TMEM135: variants seen among roughly 807,000 people sequenced by gnomAD.
TMEM135 encodes the protein transmembrane protein 135.
Under a neutral mutation model 60.3 loss-of-function variants are expected in TMEM135, and 30 were observed. The ratio of observed to expected loss-of-function variants is 0.50; its 90% CI spans 0.37 to 0.68. TMEM135 has a LOEUF of 0.68. Among genes scored for constraint, TMEM135 ranks in the 30% least tolerant of loss-of-function variants. The pLI is 0.00. For synonymous variants in TMEM135, 190 were observed against 186.7 expected, an observed-to-expected ratio of 1.02 and a Z score of -0.14; for missense variants, 468 against 548.8, an observed-to-expected ratio of 0.85 and a Z score of 1.47.
rs112172892 is a variant in TMEM135, at chr11:87,313,348, A to G, written c.937-77A>G. ...GCAAGGTAATCTGATGAATTTATTC[A>G]TTATAGTTGTTTTTGTTTTATGCTT... On this transcript the variant is annotated intron_variant, in intron 10 of 14. Transcript: ENST00000305494. The G allele has an allele frequency of 1.8e-5, 22 of 1,212,726 alleles. 2 individuals carry two copies. The highest frequency in any genetic ancestry group is 1.2e-4 in the African/African-American group (8 of 66,466). 75.1% of individuals were successfully genotyped at this position (1,212,726 alleles called of 1,614,324 possible).
intron 6 of TMEM135, among the ~76,000 whole-genome samples, chr11:87,239,319 A>C (rs968961290): frequency 3.3e-5 from 5 of 152,058 alleles, no homozygotes; most frequent in Non-Finnish European, 4.4e-5. Flanking sequence ...AGTTTGTTTG[A>C]ATAGCTCAAC....
At chr11:87,144,889 C>T (rs963463878) in intron 4 of TMEM135, among the ~76,000 whole-genome samples, 41 of 151,778 alleles carry the variant, frequency 2.7e-4, no homozygotes, top group Middle Eastern at 3.2e-3. Flanking sequence ...TCTATGAATA[C>T]AATGTGGAAT....
chr11:87,304,267 A>G (rs967136221), intron 8 of TMEM135, among the ~76,000 whole-genome samples: 7 of 152,158 alleles, frequency 4.6e-5, no homozygotes, highest in African/African-American at 7.2e-5. Flanking sequence ...GCTACGCAGG[A>G]GGCTGAGGTG....
intron 6 of TMEM135, among the ~76,000 whole-genome samples, chr11:87,286,688 A>G (rs1263144597): frequency 6.6e-6 from 1 of 152,238 alleles, no homozygotes; most frequent in African/African-American, 2.4e-5. Flanking sequence ...TTTAGAATAA[A>G]GAGAATTGGG....
chr11:87,215,283 A>G (rs961460490), intron 5 of TMEM135, among the ~76,000 whole-genome samples: 2 of 152,156 alleles, frequency 1.3e-5, no homozygotes, highest in Non-Finnish European at 2.9e-5. Flanking sequence ...CTTATTATCT[A>G]TTACCATATA....
intron 3 of TMEM135, among the ~76,000 whole-genome samples, chr11:87,073,996 C>T (rs11234952): frequency 0.076 from 11,623 of 152,038 alleles, 516 homozygotes; most frequent in East Asian, 0.18. Context: ...GACAGAGTCT[C>T]ACTCCGTCAC....
intron 5 of TMEM135, among the ~76,000 whole-genome samples, chr11:87,172,461 C>T (rs1004798782): frequency 5.3e-5 from 8 of 150,776 alleles, no homozygotes; most frequent in African/African-American, 9.8e-5. Flanking sequence ...TATTACGACA[C>T]GGTATTAGGT....
intron 5 of TMEM135, among the ~76,000 whole-genome samples, chr11:87,178,790 T>C (rs1275676803): frequency 6.6e-6 from 1 of 152,128 alleles, no homozygotes; most frequent in Non-Finnish European, 1.5e-5. Flanking sequence ...GACTGAATAG[T>C]ATTCCATTGT....
At chr11:87,076,105 A>C (rs1384898155) in intron 3 of TMEM135, among the ~76,000 whole-genome samples, 1 of 152,180 alleles carries the variant, frequency 6.6e-6, no homozygotes, top group African/African-American at 2.4e-5. Context: ...AAAGCCAGCC[A>C]GGTTTTGTCC....
chr11:87,309,715 C>T (rs563688678), intron 10 of TMEM135, 43 bp downstream of exon 10: 1 of 1,593,426 alleles, frequency 6.3e-7, no homozygotes, highest in African/African-American at 1.3e-5. Context: ...AAATAAATAA[C>T]ATTGCTATTG....
intron 1 of TMEM135, among the ~76,000 whole-genome samples, chr11:87,049,820 T>G (rs1381063065): frequency 9.7e-6 from 1 of 103,624 alleles, no homozygotes; most frequent in African/African-American, 4.5e-5. Context: ...GCGGACCTAA[T>G]AGACATCTGC....
intron 6 of TMEM135, among the ~76,000 whole-genome samples, chr11:87,245,163 G>C (rs1475779399): frequency 6.7e-6 from 1 of 149,598 alleles, no homozygotes; most frequent in Non-Finnish European, 1.5e-5. Context: ...GAGCGGTTTT[G>C]AGTGAGTTTC....
chr11:87,112,001 C>T (rs958335658), intron 4 of TMEM135, among the ~76,000 whole-genome samples: 3 of 152,188 alleles, frequency 2.0e-5, no homozygotes, highest in African/African-American at 7.2e-5. Flanking sequence ...GATTGATGAC[C>T]TTCTAGAACT....
chr11:87,097,099 C>T (rs1361235105), intron 4 of TMEM135, among the ~76,000 whole-genome samples: 1 of 151,638 alleles, frequency 6.6e-6, no homozygotes, highest in African/African-American at 2.4e-5. Flanking sequence ...TGGGTTCAAA[C>T]GATTCTCCTG....
At position 87,067,733 on chromosome 11, in the gene TMEM135, T is replaced by G; in HGVS notation, c.181T>G (p.Leu61Val). The G allele has an allele frequency of 1.2e-6, 2 of 1,613,968 alleles. No individual in the cohort carries two copies. The highest frequency in any genetic ancestry group is 1.7e-6 in the Non-Finnish European group (2 of 1,179,936). ...CCGGAAACGGAAATTAGACTATTAT[T>G]TACACAAACTACTCCCTGAGATCCT... Reference protein sequence around the residue: ...ILRKRKLDYYLHKLLPEILQS... With the variant: ...ILRKRKLDYYVHKLLPEILQS... Residue 61 changes from leucine (L) to valine (V), a missense_variant, in exon 2 of 15, where the codon TTA becomes GTA. Coordinates refer to ENST00000305494, the MANE Select transcript of TMEM135 (RefSeq NM_022918.4).
At chr11:87,139,314 T>A (rs1454205941) in intron 4 of TMEM135, among the ~76,000 whole-genome samples, 2 of 152,208 alleles carry the variant, frequency 1.3e-5, no homozygotes, top group African/African-American at 4.8e-5. Context: ...TTATATTTAA[T>A]GAACTTCATG....
At chr11:87,321,140 A>G in intron 14 of TMEM135, 61 bp from the exon 15 acceptor site, 1 of 1,448,684 alleles carries the variant, frequency 6.9e-7, no homozygotes. Flanking sequence ...GTCAACTAAA[A>G]TGAATTATTT....
chr11:87,234,993 T>A (rs921160715), intron 5 of TMEM135, among the ~76,000 whole-genome samples: 1 of 151,884 alleles, frequency 6.6e-6, no homozygotes, highest in Non-Finnish European at 1.5e-5. Flanking sequence ...GGACACTGAT[T>A]AGTGCAGGAA....
intron 1 of TMEM135, among the ~76,000 whole-genome samples, chr11:87,063,471 G>T (rs1465256605): frequency 6.6e-6 from 1 of 152,196 alleles, no homozygotes; most frequent in Non-Finnish European, 1.5e-5. Flanking sequence ...TTTTATACAT[G>T]AGTGCAAGTG....
Sources: gnomAD v4.1 joint callset for allele counts (sites outside exome capture counted in the v4.1 genomes callset) on GRCh38, gnomAD v4.1.1 for gene constraint, MANE v1.5 for transcripts, NCBI Gene and HGNC (gene_info 2026-07-23, HGNC 2026-07-21) for gene names.